The following PRKCQ variants were observed in gnomAD, a reference collection of about 807,000 sequenced individuals.
PRKCQ encodes protein kinase C theta.
A neutral mutation model predicts 91.2 loss-of-function variants in PRKCQ; 41 were observed. The observed-to-expected ratio is 0.45, with a 90% CI of 0.35 to 0.58. The LOEUF (loss-of-function observed/expected upper bound fraction) is 0.58, where lower values mean the gene tolerates loss of function less well. Ranked by LOEUF, PRKCQ falls within the 20% of genes least tolerant of loss-of-function variation. PRKCQ has a pLI of 0.00. For missense variants in PRKCQ, 673 were observed against 896.5 expected (o/e 0.75, Z 3.18); for synonymous variants, 307 against 316.9 (o/e 0.97, Z 0.33).
intron 7 of PRKCQ, among the ~76,000 whole-genome samples, chr10:6,492,238 T>TAAAA (rs5782902): frequency 1.4e-5 from 2 of 147,326 alleles, no homozygotes; most frequent in Non-Finnish European, 1.5e-5. Context: ...TTGGAAGATG[T>TAAAA]AAAAAAAAAA....
At position 6,462,313 on chromosome 10, in the gene PRKCQ, T is replaced by C; in HGVS notation, c.1498A>G (p.Ile500Val). Residue 500 changes from isoleucine (I) to valine (V), a missense_variant, in exon 14 of 18, where the codon ATA becomes GTA. Transcript: ENST00000263125. ...LGLQFLHSKG[I>V]VYRDLKLDNI... ...CAAAGCAAAATTTACCTGTAGACTA[T>C]TCCTTTGGAATGAAGGAACTGCAGA... The C allele has an allele frequency of 4.3e-6, 7 of 1,613,860 alleles. No individual in the cohort carries two copies. The highest frequency in any genetic ancestry group is 5.9e-6 in the Non-Finnish European group (7 of 1,179,808).
chr10:6,518,837 A>G (rs542310017), intron 1 of PRKCQ, among the ~76,000 whole-genome samples: 1 of 152,188 alleles, frequency 6.6e-6, no homozygotes, highest in Non-Finnish European at 1.5e-5. Context: ...AAAGAAAAGA[A>G]AAGAAAAATA....
At chr10:6,463,544 A>G (rs1835470227) in intron 13 of PRKCQ, among the ~76,000 whole-genome samples, 1 of 152,226 alleles carries the variant, frequency 6.6e-6, no homozygotes, top group Non-Finnish European at 1.5e-5. Flanking sequence ...TAGATGTGAT[A>G]AACAGCCATT....
At chr10:6,421,656 C>G in the PRKCQ span, among the ~76,000 whole-genome samples, 2 of 152,210 alleles carry the variant, frequency 1.3e-5, no homozygotes, top group Admixed American at 1.3e-4. This position sits in a 1 kb window ranked among gnomAD's most constrained non-coding sequence, Gnocchi z 4.1. Flanking sequence ...TTGTTCATGA[C>G]TTCATTTCCA....
chr10:6,407,600 G>A, the PRKCQ span, among the ~76,000 whole-genome samples: 13 of 152,002 alleles, frequency 8.6e-5, no homozygotes, highest in Non-Finnish European at 1.8e-4. The surrounding 1 kb of genome is among the most constrained non-coding windows in gnomAD (Gnocchi z 4.0). Flanking sequence ...GTATGTGCAT[G>A]GGACATGCAC....
At chr10:6,479,767 TAAAAAAAAAAAAA>T (rs34610362) in intron 11 of PRKCQ, among the ~76,000 whole-genome samples, 2 of 38,988 alleles carry the variant, frequency 5.1e-5, no homozygotes, top group Non-Finnish European at 8.6e-5. Context: ...CCGTCTCGAC[TAAAAAAAAAAAAA>T]AAAAAAAAAA....
chr10:6,539,085 G>A (rs969464702), intron 1 of PRKCQ, among the ~76,000 whole-genome samples: 1 of 152,136 alleles, frequency 6.6e-6, no homozygotes, highest in African/African-American at 2.4e-5. Context: ...ACATGACTAA[G>A]TATTAAGTGA....
rs73605174 is a variant in PRKCQ, at chr10:6,467,567, A to T, written c.1354-3163T>A. Among the ~76,000 whole-genome samples, 928 of 152,114 alleles carry T rather than the reference A, an allele frequency of 6.1e-3. 11 individuals carry two copies. The highest frequency in any genetic ancestry group is 0.021 in the African/African-American group (882 of 41,468). On this transcript the variant is annotated intron_variant, in intron 12 of 17. Transcript: ENST00000263125. ...CAAATGATTCTTTCCGGTGGGTGAG[A>T]ATTGAAGCTGTGATGGCATTGGGGG...
chr10:6,419,955 C>T, the PRKCQ span, among the ~76,000 whole-genome samples: 47 of 152,046 alleles, frequency 3.1e-4, 1 homozygote, highest in East Asian at 8.9e-3. Context: ...TCCCAAAGTG[C>T]TAGGATTATA....
Position 6,511,092 on chromosome 10 carries a change from A to G in PRKCQ, c.221T>C (p.Val74Ala), listed in dbSNP as rs1241024569. ...GATGAGGTCCACGTTTTTGCCTTTC[A>G]CAATGATCTGCATGACTCTTCCCTT... is the stretch of plus-strand genomic sequence containing the variant. ...INKGRVMQII[V>A]KGKNVDLISE... Residue 74 changes from valine (V) to alanine (A), a missense_variant, in exon 3 of 18, where the codon GTG (valine) becomes GCG (alanine). Val to Ala is a moderately conservative substitution (Grantham distance 64). Transcript: ENST00000263125. The G allele has an allele frequency of 6.2e-7, 1 of 1,614,150 alleles. No individual in the cohort carries two copies. The highest frequency in any genetic ancestry group is 8.5e-7 in the Non-Finnish European group (1 of 1,180,008).
chr10:6,456,375 T>G lies in PRKCQ; in HGVS notation c.1647+299A>C, dbSNP rs543433068. Among the ~76,000 whole-genome samples, 88 of 152,296 alleles carry G rather than the reference T, an allele frequency of 5.8e-4. No homozygotes were observed. The South Asian group carries it at 9.3e-3, about 16-fold the overall frequency. The stretch of plus-strand genomic sequence containing the variant: ...GACTTGGGTGGACGCTTGCTCCACC[T>G]GGCTCTTCACTAGCTGTTCCTTCTG... On this transcript the variant is annotated intron_variant, in intron 15 of 17. Transcript: ENST00000263125.
At chr10:6,405,407 C>T in the PRKCQ span, among the ~76,000 whole-genome samples, 6 of 152,304 alleles carry the variant, frequency 3.9e-5, no homozygotes, top group South Asian at 2.1e-4. Context: ...TCTTGACTTT[C>T]GTGAACTCTC....
chr10:6,555,539 C>G (rs1007744911), intron 1 of PRKCQ, among the ~76,000 whole-genome samples: 2 of 152,190 alleles, frequency 1.3e-5, no homozygotes, highest in Non-Finnish European at 2.9e-5. Context: ...AAAAGACATT[C>G]ATTGTTGTGT....
intron 15 of PRKCQ, among the ~76,000 whole-genome samples, chr10:6,452,069 C>T (rs956979413): frequency 8.5e-5 from 13 of 152,136 alleles, no homozygotes; most frequent in African/African-American, 2.4e-4. Flanking sequence ...GTTGGAAGTT[C>T]TGGCCAGGGC....
intron 1 of PRKCQ, among the ~76,000 whole-genome samples, chr10:6,553,368 T>G (rs921335654): frequency 5.9e-5 from 9 of 151,932 alleles, no homozygotes; most frequent in African/African-American, 2.2e-4. Flanking sequence ...TGTGTTCCTG[T>G]GGCCCCAGGT....
At chr10:6,541,311 T>C (rs1244165393) in intron 1 of PRKCQ, among the ~76,000 whole-genome samples, 1 of 152,260 alleles carries the variant, frequency 6.6e-6, no homozygotes, top group Non-Finnish European at 1.5e-5. Context: ...TCAGTCTACA[T>C]GATCATTTTG....
intron 1 of PRKCQ, among the ~76,000 whole-genome samples, chr10:6,550,705 C>T (rs1840151429): frequency 6.6e-6 from 1 of 152,226 alleles, no homozygotes; most frequent in Admixed American, 6.5e-5. Context: ...CTTCAAGACC[C>T]TGCTTTCAAT....
At chr10:6,514,868 G>GTCC in intron 2 of PRKCQ, 150 bp downstream of exon 2, 1 of 1,316,012 alleles carries the variant, frequency 7.6e-7, no homozygotes, top group Non-Finnish European at 1.1e-6. Flanking sequence ...CCATGAGGAA[G>GTCC]TCCTTGGCTT....
chr10:6,462,242 T>G, intron 14 of PRKCQ, 61 bp downstream of exon 14: 1 of 1,491,924 alleles, frequency 6.7e-7, no homozygotes, highest in Non-Finnish European at 9.3e-7. Flanking sequence ...GTGCAATGAT[T>G]AAATTAACTG....
Sources: allele counts gnomAD v4.1 joint callset (sites outside exome capture counted in the v4.1 genomes callset), GRCh38; gene constraint gnomAD v4.1.1; non-coding constraint Gnocchi (gnomAD v3.1); transcripts MANE v1.5; gene names NCBI Gene and HGNC (gene_info 2026-07-23, HGNC 2026-07-21).